The following BPIFC variants were observed in gnomAD, a reference collection of about 807,000 sequenced individuals.
BPIFC encodes BPI fold containing family C, also known as BPI fold-containing family C protein.
In BPIFC, 60 loss-of-function variants were observed where a neutral mutation model predicts 57.6. The ratio of observed to expected loss-of-function variants is 1.04; its 90% CI spans 0.85 to 1.29. BPIFC has a LOEUF of 1.29. BPIFC is among the 50% of genes most tolerant of loss of function. The pLI is 0.00. For synonymous variants in BPIFC, 243 were observed against 224.5 expected (o/e 1.08, Z -0.74); for missense variants, 581 against 600.5 (o/e 0.97, Z 0.34).
At chr22:32,416,309 C>T (rs1343862374) in intron 15 of BPIFC, among the ~76,000 whole-genome samples, 1 of 152,124 alleles carries the variant, frequency 6.6e-6, no homozygotes, top group Non-Finnish European at 1.5e-5. Context: ...TCTCGAACTC[C>T]TGACCTCAGG....
chr22:32,447,418 G>T (rs1934761469), intron 4 of BPIFC, 78 bp from the exon 5 acceptor site: 2 of 1,523,554 alleles, frequency 1.3e-6, no homozygotes, highest in Non-Finnish European at 1.8e-6. Context: ...GAACACAGTT[G>T]CAGAGCTCTT....
At chr22:32,422,016 C>A (rs142393826) in intron 13 of BPIFC, among the ~76,000 whole-genome samples, 1 of 151,784 alleles carries the variant, frequency 6.6e-6, no homozygotes, top group African/African-American at 2.4e-5. Flanking sequence ...AAAAGCCCCA[C>A]GGAGGGAACT....
rs1208833357 is a variant in BPIFC at position 32,432,247 on chromosome 22, C to T, written c.1149+126G>A. 11 of 1,040,982 alleles carry T rather than the reference C, an allele frequency of 1.1e-5. 1 individual carries two copies. In the East Asian group the frequency reaches 1.5e-4, roughly 14 times the overall value. The allele number at this position is 1,040,982 out of a possible 1,614,324, so 64.5% of individuals were successfully genotyped here. The stretch of plus-strand genomic sequence containing the variant: ...AGGCATGAGCCATCACGTCCAGCCT[C>T]CATCCTCACTCTTAATCAATGTAGC... On this transcript the variant is annotated intron_variant, in intron 12 of 16. Coordinates refer to ENST00000300399, the MANE Select transcript of BPIFC (RefSeq NM_174932.3).
At chr22:32,424,755 C>G (rs1288472658) in intron 13 of BPIFC, among the ~76,000 whole-genome samples, 1 of 76,166 alleles carries the variant, frequency 1.3e-5, no homozygotes, top group Non-Finnish European at 2.5e-5. Flanking sequence ...TCTTCTTCCT[C>G]TTCTTCTTCT....
At chr22:32,417,189 C>CTTT (rs5844996) in intron 14 of BPIFC, 41 bp from the exon 15 acceptor site, 214 of 977,940 alleles carry the variant, frequency 2.2e-4, no homozygotes, top group Middle Eastern at 3.1e-4. Flanking sequence ...GCAGATCGGG[C>CTTT]TTTTTTTTTT....
intron 7 of BPIFC, among the ~76,000 whole-genome samples, chr22:32,443,321 G>A (rs368479569): frequency 3.4e-4 from 52 of 152,246 alleles, no homozygotes; most frequent in African/African-American, 1.2e-3. Context: ...TCGCCACTAT[G>A]CCCGGCTAAT....
At chr22:32,447,891 G>A (rs892190350) in intron 4 of BPIFC, among the ~76,000 whole-genome samples, 1 of 151,880 alleles carries the variant, frequency 6.6e-6, no homozygotes, top group Non-Finnish European at 1.5e-5. Context: ...TTACAGGCAT[G>A]AGACACCTCG....
At chr22:32,433,222 A>C (rs1261962762) in intron 11 of BPIFC, among the ~76,000 whole-genome samples, 1 of 152,120 alleles carries the variant, frequency 6.6e-6, no homozygotes, top group Non-Finnish European at 1.5e-5. Context: ...ACAAACAAAA[A>C]CAAATCTAGG....
chr22:32,458,576 G>A (rs1935095200), intron 2 of BPIFC, among the ~76,000 whole-genome samples: 1 of 152,162 alleles, frequency 6.6e-6, no homozygotes. Flanking sequence ...CATCACTTCA[G>A]CACCTTGAAT....
chr22:32,456,510 TCTTAGTTAGG>T (rs376129941), intron 3 of BPIFC, among the ~76,000 whole-genome samples: 13 of 150,332 alleles, frequency 8.6e-5, no homozygotes, highest in Middle Eastern at 3.4e-3. Context: ...AAGAAGCATT[TCTTAGTTAGG>T]CTTAGTTAGG....
At position 32,424,696 on chromosome 22, in the gene BPIFC, T is replaced by TTCTTCTTCTTCC. The variant is rs1569448121; in HGVS notation, c.1218-5293_1218-5292insGGAAGAAGAAGA. ...CTTCTTCTTCTTCTTCTTCTTCCTC[T>TTCTTCTTCTTCC]TCTTCTTCCTCTTCTTCTTCCTCTT... is the stretch of plus-strand genomic sequence containing the variant. On this transcript the variant is annotated intron_variant, in intron 13 of 16. Transcript: ENST00000300399. Among the ~76,000 whole-genome samples the TTCTTCTTCTTCC allele has an allele frequency of 7.4e-5, 7 of 94,272 alleles. 2 individuals are homozygous for TTCTTCTTCTTCC. The Admixed American group carries it at 7.7e-4, about 10-fold the overall frequency. 61.8% of individuals were successfully genotyped at this position (94,272 alleles called of 152,430 possible). A position where few individuals can be genotyped will look rare whatever the true frequency, so the allele number is the denominator to read the frequency against.
Position 32,432,468 on chromosome 22 carries a change from G to A in BPIFC, c.1054C>T (p.Gln352Ter). Reference sequence around the variant, plus strand: ...ATGTCCAGGGTGAAATTGCCTGGTTGTAGATTGATTATGGGAGGCTCTGTG... The same window carrying A: ...ATGTCCAGGGTGAAATTGCCTGGTTATAGATTGATTATGGGAGGCTCTGTG... ...MATEPPIINL[Q>*]PGNFTLDIPA... The change falls in exon 12 of 17, where the codon CAA becomes TAA. Residue 352 changes from glutamine (Q) to a stop codon, truncating the protein, a stop_gained. Coordinates refer to ENST00000300399, the MANE Select transcript of BPIFC (RefSeq NM_174932.3). LOFTEE classifies it high-confidence loss of function. 1 of 1,614,112 alleles carries A rather than the reference G, an allele frequency of 6.2e-7. No individual in the cohort carries two copies. Among genetic ancestry groups the A allele is most frequent in the Non-Finnish European group, 8.5e-7 (1 of 1,180,010 alleles).
At chr22:32,439,837 A>G (rs569410316) in intron 8 of BPIFC, among the ~76,000 whole-genome samples, 2 of 151,788 alleles carry the variant, frequency 1.3e-5, no homozygotes, top group Admixed American at 6.6e-5. Flanking sequence ...CTGGTCTTGA[A>G]CTCCTGACCT....
At chr22:32,437,979 GA>G (rs1487420765) in intron 8 of BPIFC, 128 bp from the exon 9 acceptor site, 4 of 566,460 alleles carry the variant, frequency 7.1e-6, no homozygotes, top group Non-Finnish European at 1.2e-5. Context: ...CTGCTTTTCA[GA>G]AGTAATACAT....
At chr22:32,446,549 A>G (rs1187470946) in intron 5 of BPIFC, among the ~76,000 whole-genome samples, 2 of 152,218 alleles carry the variant, frequency 1.3e-5, no homozygotes, top group Admixed American at 1.3e-4. Context: ...TCATTTCTCT[A>G]CAATCTACAA....
intron 13 of BPIFC, among the ~76,000 whole-genome samples, chr22:32,424,753 CTCT>C (rs1556036707): frequency 0.064 from 2,255 of 35,322 alleles, 482 homozygotes; most frequent in Non-Finnish European, 0.077. Context: ...CTTCTTCTTC[CTCT>C]TCTTCTTCTT....
intron 13 of BPIFC, among the ~76,000 whole-genome samples, chr22:32,423,351 C>A (rs1933901465): frequency 6.6e-6 from 1 of 152,114 alleles, no homozygotes; most frequent in Admixed American, 6.6e-5. Context: ...AGGGGCTACC[C>A]CACTGTGGCA....
In BPIFC at chr22:32,416,700, C is replaced by T. The variant is rs5994564; in HGVS notation, c.1324+385G>A. On this transcript the variant is annotated intron_variant, in intron 15 of 16. Coordinates refer to ENST00000300399, the MANE Select transcript of BPIFC (RefSeq NM_174932.3). ...GGCCCAGGATTGTCATTCATGAAAA[C>T]TGTGTCTATCCAGTTAGTGGTCCTG... Among the ~76,000 whole-genome samples, 14 of 152,346 alleles carry T rather than the reference C, an allele frequency of 9.2e-5. 1 individual carries two copies. The highest frequency in any genetic ancestry group is 3.4e-4 in the African/African-American group (14 of 41,592).
At chr22:32,451,336 G>C (rs562721492) in intron 4 of BPIFC, among the ~76,000 whole-genome samples, 1 of 152,168 alleles carries the variant, frequency 6.6e-6, no homozygotes, top group Non-Finnish European at 1.5e-5. Flanking sequence ...ATAAACATAC[G>C]TGTGCATGTG....
Sources: gnomAD v4.1 joint callset for allele counts (sites outside exome capture counted in the v4.1 genomes callset) on GRCh38, gnomAD v4.1.1 for gene constraint, MANE v1.5 for transcripts, NCBI Gene and HGNC (gene_info 2026-07-23, HGNC 2026-07-21) for gene names.